Variants in C15orf61 observed in about 807,000 individuals in gnomAD.
The protein encoded by C15orf61 is uncharacterized protein C15orf61.
Under a neutral mutation model 13.7 loss-of-function variants are expected in C15orf61, and 12 were observed. That is an observed-to-expected ratio of 0.88 (90% CI 0.56 to 1.42). The LOEUF is 1.42. Among genes scored for constraint, C15orf61 ranks in the 40% most tolerant of loss-of-function variants. The pLI is 0.00. For missense variants in C15orf61, 248 were observed against 213.2 expected (o/e 1.16, Z -1.02); for synonymous variants, 92 against 94.1 (o/e 0.98, Z 0.13).
At chr15:67,522,455 A>G (rs2140926930) in intron 1 of C15orf61, among the ~76,000 whole-genome samples, 1 of 152,360 alleles carries the variant, frequency 6.6e-6, no homozygotes, top group East Asian at 1.9e-4. Context: ...TAATACTATT[A>G]CATAATCTGA....
Position 67,526,422 on chromosome 15 carries a change from T to A in C15orf61, c.351T>A (p.Ile117=). The A allele has an allele frequency of 6.6e-7, 1 of 1,523,730 alleles. No individual in the cohort carries two copies. The highest frequency in any genetic ancestry group is 8.9e-7 in the Non-Finnish European group (1 of 1,124,360). 94.4% of individuals were successfully genotyped at this position (1,523,730 alleles called of 1,614,324 possible). ...FTALKVVNLG[I]PTLLYGLGSW... is the part of the protein sequence containing the mutation. ...ACATATTCGTTTGTTTTCTAGGTATTCCAACTTTATTATATGGACTTGGCT... is the reference window on the plus strand; with the variant it reads ...ACATATTCGTTTGTTTTCTAGGTATACCAACTTTATTATATGGACTTGGCT... The change falls in exon 2 of 2, where the codon ATT becomes ATA. Residue 117 remains isoleucine (I), a synonymous_variant. Transcript: ENST00000342683.
intron 1 of C15orf61, among the ~76,000 whole-genome samples, chr15:67,524,023 C>A (rs1379641575): frequency 1.3e-5 from 2 of 151,774 alleles, no homozygotes; most frequent in African/African-American, 4.9e-5. Flanking sequence ...ATATATTGAC[C>A]GTTTATTTCT....
At position 67,527,421 on chromosome 15, in the gene C15orf61, CCAAGT is replaced by C. The variant is rs1472915973; in HGVS notation, c.*879_*883del. On this transcript the variant is annotated 3_prime_UTR_variant, in exon 2 of 2. Transcript: ENST00000342683. ...ATTAACTTAATTGCATTTTTGAAAGCCAAGTCATTTAAAAAAATGTATCCTTGGGG... is the reference window on the plus strand; with the variant it reads ...ATTAACTTAATTGCATTTTTGAAAGCCATTTAAAAAAATGTATCCTTGGGG... 6.6e-6 allele frequency: 1 copy of C among 151,960 alleles called. No homozygotes were observed. The highest frequency in any genetic ancestry group is 1.5e-5 in the Non-Finnish European group (1 of 67,950). 9.4% of individuals were successfully genotyped at this position (151,960 alleles called of 1,614,324 possible).
intron 1 of C15orf61, 36 bp downstream of exon 1, chr15:67,521,630 C>G (rs570918226): frequency 1.4e-6 from 2 of 1,451,758 alleles, no homozygotes; most frequent in Non-Finnish European, 1.9e-6. Context: ...CGGTGAAGCC[C>G]GCCCGGCCGG....
At position 67,521,584 on chromosome 15, in the gene C15orf61, CGT is replaced by C. The variant is rs2084162953; in HGVS notation, c.337_338del (p.Val113GlnfsTer37). On this transcript the variant is annotated frameshift_variant, in exon 1 of 2. Coordinates refer to ENST00000342683, the MANE Select transcript of C15orf61 (RefSeq NM_001143936.2). LOFTEE classifies it high-confidence loss of function. Reference sequence around the variant, plus strand: ...ACCGCTTCTTCACGGCGCTCAAGGTCGTCAACCTCGGTGAGTGGCGACTGCCG... The same window carrying C: ...ACCGCTTCTTCACGGCGCTCAAGGTCCAACCTCGGTGAGTGGCGACTGCCG... ...QNRFFTALKVVNLGIPTLLYG... is the reference protein window; with the variant it reads ...QNRFFTALKVXNLGIPTLLYG... The C allele has an allele frequency of 1.3e-6, 2 of 1,528,524 alleles. No individual in the cohort carries two copies. Among genetic ancestry groups the C allele is most frequent in the African/African-American group, 2.8e-5 (2 of 72,560 alleles). The allele number at this position is 1,528,524 out of a possible 1,614,324, so 94.7% of individuals were successfully genotyped here.
intron 1 of C15orf61, chr15:67,522,077 A>T: frequency 1.4e-6 from 1 of 701,536 alleles, no homozygotes; most frequent in South Asian, 1.5e-5. Flanking sequence ...AGTTCGTTTT[A>T]CTAAAAGCAC....
rs1340435753 is a variant in C15orf61 at position 67,521,327 on chromosome 15, C to G, written c.79C>G (p.Arg27Gly). ...CRPWASRAAA[R>G]PKPSASEVLT... Reference sequence around the variant, plus strand: ...GCCGTGGGCCTCGCGCGCCGCCGCCCGCCCCAAGCCCAGCGCCTCGGAGGT... The same window carrying G: ...GCCGTGGGCCTCGCGCGCCGCCGCCGGCCCCAAGCCCAGCGCCTCGGAGGT... The change falls in exon 1 of 2, where the codon CGC becomes GGC. Residue 27 changes from arginine to glycine, a missense_variant. Arg to Gly is a moderately radical substitution (Grantham distance 125). Transcript: ENST00000342683. 3.3e-6 allele frequency: 5 copies of G among 1,530,512 alleles called. No individual in the cohort carries two copies. In the African/African-American group the frequency reaches 6.9e-5, roughly 21 times the overall value. The allele number at this position is 1,530,512 out of a possible 1,614,324, so 94.8% of individuals were successfully genotyped here. A position where few individuals can be genotyped will look rare whatever the true frequency, so the allele number is the denominator to read the frequency against.
chr15:67,521,574 CG>C lies in C15orf61; in HGVS notation c.327del (p.Leu110SerfsTer34), dbSNP rs1406260795. ...DLARQNRFFT[A>X]LKVVNLGIPT... ...GCCCGGCAGAACCGCTTCTTCACGG[CG>C]CTCAAGGTCGTCAACCTCGGTGAGT... is the stretch of plus-strand genomic sequence containing the variant. On this transcript the variant is annotated frameshift_variant, in exon 1 of 2. Coordinates refer to ENST00000342683, the MANE Select transcript of C15orf61 (RefSeq NM_001143936.2). LOFTEE classifies it high-confidence loss of function. The C allele has an allele frequency of 4.6e-6, 7 of 1,533,358 alleles. No individual in the cohort carries two copies. Among genetic ancestry groups the C allele is most frequent in the Middle Eastern group, 1.7e-4 (1 of 5,984 alleles). The allele number at this position is 1,533,358 out of a possible 1,614,324, so 95.0% of individuals were successfully genotyped here.
chr15:67,527,184 A>G lies in C15orf61; in HGVS notation c.*639A>G, dbSNP rs192436784. 343 of 152,358 alleles carry G rather than the reference A, an allele frequency of 2.3e-3. No individual in the cohort carries two copies. The highest frequency in any genetic ancestry group is 7.8e-3 in the African/African-American group (325 of 41,596). The allele number at this position is 152,358 out of a possible 1,614,324, so 9.4% of individuals were successfully genotyped here. A position where few individuals can be genotyped will look rare whatever the true frequency, so the allele number is the denominator to read the frequency against. ...ATAACTGGTTAATATAAGTGTAGCAAGGTGAATGAAACTCAGACTTATTAA... is the reference window on the plus strand; with the variant it reads ...ATAACTGGTTAATATAAGTGTAGCAGGGTGAATGAAACTCAGACTTATTAA... On this transcript the variant is annotated 3_prime_UTR_variant, in exon 2 of 2. Transcript: ENST00000342683.
chr15:67,521,369 C>T lies in C15orf61; in HGVS notation c.121C>T (p.Leu41=). The T allele has an allele frequency of 1.3e-6, 2 of 1,538,558 alleles. No homozygotes were observed. Among genetic ancestry groups the T allele is most frequent in the South Asian group, 1.2e-5 (1 of 84,022 alleles). Residue 41 remains leucine, a synonymous_variant, in exon 1 of 2, where the codon CTG becomes TTG. Transcript: ENST00000342683. ...SASEVLTRHL[L]QRRLPHWTSF... is the part of the protein sequence containing the mutation. Reference sequence around the variant, plus strand: ...CTCGGAGGTGCTGACGCGGCATCTGCTGCAGCGGCGCCTGCCGCACTGGAC... The same window carrying T: ...CTCGGAGGTGCTGACGCGGCATCTGTTGCAGCGGCGCCTGCCGCACTGGAC...
chr15:67,525,968 C>T lies in C15orf61; in HGVS notation c.347-450C>T, dbSNP rs567580347. ...GGCGGAGGTGGCAGCGAGCCGAGATCGCGCCACTGCACTCCAACCTGCCAA... is the reference window on the plus strand; with the variant it reads ...GGCGGAGGTGGCAGCGAGCCGAGATTGCGCCACTGCACTCCAACCTGCCAA... On this transcript the variant is annotated intron_variant, in intron 1 of 1. Transcript: ENST00000342683. This position sits in a 1 kb window ranked among gnomAD's most constrained non-coding sequence, Gnocchi z 4.9. 4.4e-3 allele frequency among the ~76,000 whole-genome samples: 675 copies of T among 152,252 alleles called. 6 individuals carry two copies. The highest frequency in any genetic ancestry group is 0.015 in the African/African-American group (641 of 41,554).
Position 67,521,575 on chromosome 15 carries a change from G to A in C15orf61, c.327G>A (p.Ala109=). The change falls in exon 1 of 2, where the codon GCG becomes GCA. Residue 109 remains alanine, a synonymous_variant. Coordinates refer to ENST00000342683, the MANE Select transcript of C15orf61 (RefSeq NM_001143936.2). ...DLARQNRFFT[A]LKVVNLGIPT... ...CCCGGCAGAACCGCTTCTTCACGGC[G>A]CTCAAGGTCGTCAACCTCGGTGAGT... The A allele has an allele frequency of 6.5e-7, 1 of 1,533,652 alleles. No homozygotes were observed. Among genetic ancestry groups the A allele is most frequent in the Non-Finnish European group, 8.8e-7 (1 of 1,135,944 alleles).
At position 67,529,175 on chromosome 15, in the gene C15orf61, A is replaced by G. The variant is rs2084215149; in HGVS notation, c.*2630A>G. ...TTGCATCTCTTCTATTGTTATTTCT[A>G]TACAAATGAATTATCACGTATTGGA... On this transcript the variant is annotated 3_prime_UTR_variant, in exon 2 of 2. Transcript: ENST00000342683. This position sits in a 1 kb window ranked among gnomAD's most constrained non-coding sequence, Gnocchi z 4.4. 1 of 152,184 alleles carries G rather than the reference A, an allele frequency of 6.6e-6. No homozygotes were observed. Among genetic ancestry groups the G allele is most frequent in the Non-Finnish European group, 1.5e-5 (1 of 68,028 alleles). 9.4% of individuals were successfully genotyped at this position (152,184 alleles called of 1,614,324 possible).
rs940608893 is a variant in C15orf61, at chr15:67,529,163, A to G, written c.*2618A>G. On this transcript the variant is annotated 3_prime_UTR_variant, in exon 2 of 2. Transcript: ENST00000342683. This position sits in a 1 kb window ranked among gnomAD's most constrained non-coding sequence, Gnocchi z 4.4. ...TAGTACAAAACCTTGCATCTCTTCTATTGTTATTTCTATACAAATGAATTA... is the reference window on the plus strand; with the variant it reads ...TAGTACAAAACCTTGCATCTCTTCTGTTGTTATTTCTATACAAATGAATTA... The G allele has an allele frequency of 6.6e-6, 1 of 152,172 alleles. No individual in the cohort carries two copies. The highest frequency in any genetic ancestry group is 1.9e-4 in the East Asian group (1 of 5,198). 9.4% of individuals were successfully genotyped at this position (152,172 alleles called of 1,614,324 possible). A position where few individuals can be genotyped will look rare whatever the true frequency, so the allele number is the denominator to read the frequency against.
chr15:67,524,156 C>T (rs1356427599), intron 1 of C15orf61, among the ~76,000 whole-genome samples: 1 of 152,030 alleles, frequency 6.6e-6, no homozygotes, highest in African/African-American at 2.4e-5. Context: ...TATACTTAGC[C>T]TTGGTTTAAG....
intron 1 of C15orf61, 101 bp downstream of exon 1, chr15:67,521,695 C>A: frequency 2.5e-6 from 3 of 1,197,170 alleles, no homozygotes; most frequent in Non-Finnish European, 3.4e-6. Context: ...GGTAGAGTCC[C>A]GCGGGAGTCA....
At chr15:67,522,154 A>G in intron 1 of C15orf61, 1 of 701,722 alleles carries the variant, frequency 1.4e-6, no homozygotes, top group Non-Finnish European at 2.6e-6. Flanking sequence ...AAAGATCTTT[A>G]ATATTTGTAT....
chr15:67,522,186 G>A (rs1301978672), intron 1 of C15orf61: 4 of 701,964 alleles, frequency 5.7e-6, no homozygotes. Context: ...GACGCCCTGA[G>A]GATGTTTACT....
rs1319374824 is a variant in C15orf61, at chr15:67,521,900, G to C, written c.346+306G>C. 23 of 662,946 alleles carry C rather than the reference G, an allele frequency of 3.5e-5. No homozygotes were observed. The East Asian group carries it at 6.4e-4, about 18-fold the overall frequency. The allele number at this position is 662,946 out of a possible 1,614,324, so 41.1% of individuals were successfully genotyped here. On this transcript the variant is annotated intron_variant, in intron 1 of 1. Coordinates refer to ENST00000342683, the MANE Select transcript of C15orf61 (RefSeq NM_001143936.2). The stretch of plus-strand genomic sequence containing the variant: ...GACCCCTGGCCTGGGCAGTAAGCCA[G>C]GGGGCGTCAGGAAACGCCCCCTAGA...
Sources: allele counts gnomAD v4.1 joint callset (sites outside exome capture counted in the v4.1 genomes callset), GRCh38; gene constraint gnomAD v4.1.1; non-coding constraint Gnocchi (gnomAD v3.1); transcripts MANE v1.5; gene names NCBI Gene and HGNC (gene_info 2026-07-23, HGNC 2026-07-21).